MROH2A: variants seen among roughly 807,000 people sequenced by gnomAD.
The protein encoded by MROH2A is maestro heat-like repeat-containing protein family member 2A.
MROH2A carries 174 observed loss-of-function variants against 200.4 expected under a neutral mutation model. The observed-to-expected ratio is 0.87, with a 90% CI of 0.77 to 0.98. The LOEUF (loss-of-function observed/expected upper bound fraction) is 0.98. Ranked by LOEUF, MROH2A falls within the 50% of genes least tolerant of loss-of-function variation. The pLI is 0.00. For synonymous variants in MROH2A, 829 were observed against 840.4 expected, an observed-to-expected ratio of 0.99 and a Z score of 0.23; for missense variants, 2,045 against 2,139.6, an observed-to-expected ratio of 0.96 and a Z score of 0.87.
chr2:233,829,825 C>T, intron 38 of MROH2A, 50 bp downstream of exon 38: 11 of 1,286,728 alleles, frequency 8.5e-6, no homozygotes, highest in Non-Finnish European at 1.1e-5. Context: ...CGCTGTTCCC[C>T]GAGGAAACAG....
Position 233,802,188 on chromosome 2 carries a change from G to A in MROH2A, c.1581G>A (p.Leu527=), listed in dbSNP as rs760278873. Residue 527 remains leucine, a synonymous_variant, in exon 15 of 42, where the codon CTG becomes CTA. Coordinates refer to ENST00000389758, the MANE Select transcript of MROH2A (RefSeq NM_001394639.1). Reference sequence around the variant, plus strand: ...CCCAGGAGTTTTGGGTGAGGCTGCTGTGCTACATCATGGAGACAGACTACG... The same window carrying A: ...CCCAGGAGTTTTGGGTGAGGCTGCTATGCTACATCATGGAGACAGACTACG... ...GMTTEFWVRL[L]CYIMETDYVE... 1 of 1,550,270 alleles carries A rather than the reference G, an allele frequency of 6.5e-7. No homozygotes were observed. Among genetic ancestry groups the A allele is most frequent in the Non-Finnish European group, 8.7e-7 (1 of 1,146,792 alleles).
Position 233,796,282 on chromosome 2 carries a change from G to C in MROH2A, c.1221G>C (p.Leu407=). The change falls in exon 11 of 42, where the codon CTG becomes CTC. Residue 407 remains leucine (L), a synonymous_variant. Coordinates refer to ENST00000389758, the MANE Select transcript of MROH2A (RefSeq NM_001394639.1). ...AGGAGGCCGTCCGCGTGGGGACTCTGAATCTGATTAGGGCTATAGTGAGCG... is the reference window on the plus strand; with the variant it reads ...AGGAGGCCGTCCGCGTGGGGACTCTCAATCTGATTAGGGCTATAGTGAGCG... ...TNKEAVRVGT[L]NLIRAIVSAD... The C allele has an allele frequency of 7.7e-7, 1 of 1,295,666 alleles. No homozygotes were observed. The allele number at this position is 1,295,666 out of a possible 1,614,324, so 80.3% of individuals were successfully genotyped here.
At chr2:233,832,341 C>G (rs658482) in intron 40 of MROH2A, 62 bp downstream of exon 40, 734,851 of 1,423,018 alleles carry the variant, frequency 0.52, 191,806 homozygotes, top group African/African-American at 0.61. Context: ...TCCACCCCGG[C>G]ACTCGGGGGA....
intron 3 of MROH2A, among the ~76,000 whole-genome samples, chr2:233,789,126 A>G (rs1701567666): frequency 6.6e-6 from 1 of 151,834 alleles, no homozygotes; most frequent in African/African-American, 2.4e-5. Flanking sequence ...GTAAGAGGCA[A>G]TTTTCCTGGG....
chr2:233,782,942 C>T (rs1016970740), intron 3 of MROH2A, among the ~76,000 whole-genome samples: 1 of 58,608 alleles, frequency 1.7e-5, no homozygotes, highest in South Asian at 6.4e-4. Context: ...CTGAATTTAT[C>T]AAATACTTTT....
At chr2:233,805,835 A>G (rs1702756464) in intron 19 of MROH2A, among the ~76,000 whole-genome samples, 1 of 152,246 alleles carries the variant, frequency 6.6e-6, no homozygotes, top group African/African-American at 2.4e-5. Flanking sequence ...GTTTTTTTCA[A>G]CAAATGGGGC....
At chr2:233,827,919 T>C (rs1274828663) in intron 35 of MROH2A, among the ~76,000 whole-genome samples, 1 of 152,136 alleles carries the variant, frequency 6.6e-6, no homozygotes, top group Non-Finnish European at 1.5e-5. Context: ...CTGCTCTACC[T>C]GGCCCTGAAT....
At chr2:233,794,295 G>A in intron 7 of MROH2A, 68 bp from the exon 8 acceptor site, 2 of 1,182,242 alleles carry the variant, frequency 1.7e-6, no homozygotes. Flanking sequence ...CTGTGGCTGG[G>A]GCTGAGGTCA....
rs1209773735 is a variant in MROH2A at position 233,789,834 on chromosome 2, C to T, written c.409-18C>T. ...CGGCTGGTGGTGGTGCCATATGTCCCTCTTCTGTCTCCTGCAGATGGAGGG... is the reference window on the plus strand; with the variant it reads ...CGGCTGGTGGTGGTGCCATATGTCCTTCTTCTGTCTCCTGCAGATGGAGGG... On this transcript the variant is annotated intron_variant, in intron 4 of 41. Coordinates refer to ENST00000389758, the MANE Select transcript of MROH2A (RefSeq NM_001394639.1). 1 of 1,543,260 alleles carries T rather than the reference C, an allele frequency of 6.5e-7. No homozygotes were observed. The highest frequency in any genetic ancestry group is 2.0e-5 in the Admixed American group (1 of 50,438).
chr2:233,811,552 C>T (rs1047157795), intron 23 of MROH2A, among the ~76,000 whole-genome samples: 9 of 152,184 alleles, frequency 5.9e-5, no homozygotes, highest in East Asian at 1.9e-4. Context: ...TGTACTTTCA[C>T]GCTAGCCTGG....
In MROH2A at chr2:233,788,084, ATATATACATATAT is replaced by A. The variant is rs1445291001; in HGVS notation, c.277-1406_277-1394del. On this transcript the variant is annotated intron_variant, in intron 3 of 41. Transcript: ENST00000389758. The stretch of plus-strand genomic sequence containing the variant: ...TATATTATATATATACATATATATT[ATATATACATATAT>A]TATATATACATATATATTATATATA... 7.4e-5 allele frequency among the ~76,000 whole-genome samples: 7 copies of A among 94,968 alleles called. 1 individual carries two copies. The highest frequency in any genetic ancestry group is 2.6e-4 in the African/African-American group (6 of 23,430). 62.3% of individuals were successfully genotyped at this position (94,968 alleles called of 152,430 possible).
intron 31 of MROH2A, 46 bp from the exon 32 acceptor site, chr2:233,822,078 G>T: frequency 1.3e-6 from 2 of 1,522,376 alleles, no homozygotes. Context: ...ACCTGCCAGG[G>T]CACATGCCAG....
rs912398187 is a variant in MROH2A at position 233,820,962 on chromosome 2, TG to T, written c.3512+911del. Among the ~76,000 whole-genome samples the T allele has an allele frequency of 1.3e-5, 2 of 151,720 alleles. No homozygotes were observed. The highest frequency in any genetic ancestry group is 2.4e-5 in the African/African-American group (1 of 41,286). ...CAGTGGCTCATGAGGCAGTGCTGGGTGGGGGTAAGGGGGATGTGCGGTGCAG... is the reference window on the plus strand; with the variant it reads ...CAGTGGCTCATGAGGCAGTGCTGGGTGGGGTAAGGGGGATGTGCGGTGCAG... On this transcript the variant is annotated intron_variant, in intron 31 of 41. Coordinates refer to ENST00000389758, the MANE Select transcript of MROH2A (RefSeq NM_001394639.1). This position sits in a 1 kb window ranked among gnomAD's most constrained non-coding sequence, Gnocchi z 4.1.
At position 233,819,910 on chromosome 2, in the gene MROH2A, G is replaced by A. The variant is rs1158743047; in HGVS notation, c.3366G>A (p.Glu1122=). 2 of 1,514,824 alleles carry A rather than the reference G, an allele frequency of 1.3e-6. No individual in the cohort carries two copies. The highest frequency in any genetic ancestry group is 5.0e-5 in the East Asian group (2 of 40,118). 93.8% of individuals were successfully genotyped at this position (1,514,824 alleles called of 1,614,324 possible). The change falls in exon 31 of 42, where the codon GAG becomes GAA. Residue 1122 remains glutamate, a synonymous_variant. Transcript: ENST00000389758. ...RAKELEDKVA[E]ILSAILVHLP... ...GCCCCATCCCTACCTAGGTGGCCGA[G>A]ATCCTGAGTGCCATCCTGGTGCACC...
In MROH2A at chr2:233,819,336, G is replaced by C. The variant is rs17864722; in HGVS notation, c.3224G>C (p.Ser1075Thr). The C allele has an allele frequency of 3.8e-4, 594 of 1,550,280 alleles. No homozygotes were observed. Among genetic ancestry groups the C allele is most frequent in the Non-Finnish European group, 4.9e-4 (564 of 1,146,796 alleles). The change falls in exon 30 of 42, where the codon AGC (serine) becomes ACC (threonine). Residue 1075 changes from serine (S) to threonine (T), a missense_variant. Physicochemically the swap from Ser to Thr is moderately conservative, Grantham distance 58. Around this residue, in one of 3 missense-constraint regions of MROH2A, gnomAD observed 1,201 missense variants for 1,311.3 expected, o/e 0.92. Coordinates refer to ENST00000389758, the MANE Select transcript of MROH2A (RefSeq NM_001394639.1). ...TCCTAGGTGGTCTGCATGGAGTTTA[G>C]CTGCGATGAGGTGGTCTCGCTCATC... ...RIAKVVCMEFSCDEVVSLIQK... is the reference protein window; with the variant it reads ...RIAKVVCMEFTCDEVVSLIQK...
intron 14 of MROH2A, among the ~76,000 whole-genome samples, chr2:233,801,026 G>T (rs1702439952): frequency 6.6e-6 from 1 of 152,154 alleles, no homozygotes; most frequent in African/African-American, 2.4e-5. Flanking sequence ...TACTGTACTA[G>T]GTGTGCAACC....
chr2:233,792,059 C>T (rs1701800409), intron 5 of MROH2A, among the ~76,000 whole-genome samples: 1 of 152,130 alleles, frequency 6.6e-6, no homozygotes. Context: ...TCCTTGCTCT[C>T]ACCTGCTGTC....
intron 30 of MROH2A, 37 bp from the exon 31 acceptor site, chr2:233,819,865 C>CT (rs1181662400): frequency 2.0e-6 from 3 of 1,473,390 alleles, no homozygotes; most frequent in South Asian, 2.8e-5. Flanking sequence ...CCATAGGGGC[C>CT]TGGGCTGCCC....
At chr2:233,791,309 T>C (rs1330403189) in intron 5 of MROH2A, among the ~76,000 whole-genome samples, 1 of 151,626 alleles carries the variant, frequency 6.6e-6, no homozygotes, top group Admixed American at 6.6e-5. Context: ...CTGGGAAGCA[T>C]GTGGTGAGGG....
Sources: gnomAD v4.1 joint callset for allele counts (sites outside exome capture counted in the v4.1 genomes callset) on GRCh38, gnomAD v4.1.1 for gene constraint, gnomAD v4.1.1 regional missense constraint, Gnocchi (gnomAD v3.1) non-coding constraint, MANE v1.5 for transcripts, NCBI Gene and HGNC (gene_info 2026-07-23, HGNC 2026-07-21) for gene names.